DLC1: variants seen among roughly 807,000 people sequenced by gnomAD.
The protein encoded by DLC1 is rho GTPase-activating protein 7.
A neutral mutation model predicts 140.3 loss-of-function variants in DLC1; 54 were observed. The ratio of observed to expected loss-of-function variants is 0.38; its 90% CI spans 0.31 to 0.48. DLC1 has a LOEUF of 0.48. Ranked by LOEUF, DLC1 falls within the 20% of genes least tolerant of loss-of-function variation. DLC1 has a pLI of 0.96. For synonymous variants in DLC1, 986 were observed against 728.1 expected (o/e 1.35, Z -5.70); for missense variants, 2,536 against 1,907.0 (o/e 1.33, Z -6.14).
At chr8:13,154,521 G>A (rs749354440) in intron 5 of DLC1, among the ~76,000 whole-genome samples, 6 of 152,312 alleles carry the variant, frequency 3.9e-5, no homozygotes, top group African/African-American at 7.2e-5. Flanking sequence ...GAGCCCATCC[G>A]GAACTCGTGC....
rs768344585 is a variant in DLC1, at chr8:13,356,825, A to C, written c.1314+36728T>G. Among the ~76,000 whole-genome samples the C allele has an allele frequency of 1.3e-5, 2 of 151,412 alleles. 1 individual carries two copies. Among genetic ancestry groups the C allele is most frequent in the Admixed American group, 1.3e-4 (2 of 15,224 alleles). ...AATGCTGTTTCTATTCCTGGACCAC[A>C]CTTCACTCTTTTTTTTATTATTTTT... On this transcript the variant is annotated intron_variant, in intron 4 of 17. Transcript: ENST00000276297.
intron 5 of DLC1, among the ~76,000 whole-genome samples, chr8:13,242,271 G>A (rs911601626): frequency 9.9e-5 from 15 of 152,216 alleles, no homozygotes; most frequent in Non-Finnish European, 1.8e-4. Flanking sequence ...AAGGTTGATA[G>A]GAGGAGTCTA....
At chr8:13,335,679 T>A (rs1833786249) in intron 4 of DLC1, among the ~76,000 whole-genome samples, 3 of 151,226 alleles carry the variant, frequency 2.0e-5, no homozygotes, top group Non-Finnish European at 4.4e-5. Context: ...TAGGATAATG[T>A]ATATTACATA....
At chr8:13,218,982 CTATATAATTATATACGAATATAAT>C (rs1466520239) in intron 5 of DLC1, among the ~76,000 whole-genome samples, 2 of 48,910 alleles carry the variant, frequency 4.1e-5, no homozygotes, top group Non-Finnish European at 7.4e-5. Context: ...ACGTATATAA[CTATATAATTATATACGAATATAAT>C]TATATAATTA....
chr8:13,531,420 T>C (rs1237491057), intron 1 of DLC1, among the ~76,000 whole-genome samples: 1 of 152,116 alleles, frequency 6.6e-6, no homozygotes, highest in African/African-American at 2.4e-5. Flanking sequence ...ACCCCATCTC[T>C]ACTAAAAACA....
rs1478580739 is a variant in DLC1, at chr8:13,310,027, CCT to C, written c.1315-4727_1315-4726del. 2.0e-5 allele frequency among the ~76,000 whole-genome samples: 3 copies of C among 151,594 alleles called. No homozygotes were observed. The South Asian group carries it at 6.3e-4, about 32-fold the overall frequency. ...TTTCCTCACTTGTATGAAATATTTT[CCT>C]CTTAGTTCTTTAGAATCAGGAACAT... On this transcript the variant is annotated intron_variant, in intron 4 of 17. Transcript: ENST00000276297.
intron 2 of DLC1, among the ~76,000 whole-genome samples, chr8:13,471,555 G>A (rs982709436): frequency 2.0e-5 from 3 of 151,654 alleles, no homozygotes; most frequent in Non-Finnish European, 4.4e-5. Flanking sequence ...GGGAAAAATA[G>A]AAAGAGAAGG....
chr8:13,278,357 T>G (rs1831249125), intron 5 of DLC1, among the ~76,000 whole-genome samples: 2 of 152,202 alleles, frequency 1.3e-5, no homozygotes, highest in Admixed American at 1.3e-4. Context: ...TGAAGCGTGT[T>G]GAATCATGTC....
intron 5 of DLC1, among the ~76,000 whole-genome samples, chr8:13,183,590 T>A (rs1397700218): frequency 6.6e-6 from 1 of 152,206 alleles, no homozygotes; most frequent in Non-Finnish European, 1.5e-5. Context: ...GTTTTTTTCA[T>A]TGGTTCTGTT....
intron 1 of DLC1, among the ~76,000 whole-genome samples, chr8:13,585,384 C>T (rs796356851): frequency 1.3e-5 from 2 of 151,838 alleles, no homozygotes; most frequent in African/African-American, 4.8e-5. Flanking sequence ...GGAAACATAG[C>T]AAGACTCTCA....
intron 5 of DLC1, among the ~76,000 whole-genome samples, chr8:13,136,529 A>C (rs1318491464): frequency 6.6e-6 from 1 of 152,148 alleles, no homozygotes; most frequent in African/African-American, 2.4e-5. Flanking sequence ...CTTGTTTTTG[A>C]GATCATCTCG....
chr8:13,300,839 G>A (rs1488700020), intron 5 of DLC1, among the ~76,000 whole-genome samples: 1 of 152,204 alleles, frequency 6.6e-6, no homozygotes, highest in East Asian at 1.9e-4. Flanking sequence ...TATTTTCAAA[G>A]ATAACTCTGG....
chr8:13,210,309 T>C (rs1370224047), intron 5 of DLC1, among the ~76,000 whole-genome samples: 1 of 152,200 alleles, frequency 6.6e-6, no homozygotes, highest in Non-Finnish European at 1.5e-5. Context: ...ATACTGTTTT[T>C]AGAAGACCAG....
intron 5 of DLC1, among the ~76,000 whole-genome samples, chr8:13,162,398 C>G (rs1019578987): frequency 1.3e-5 from 2 of 152,198 alleles, no homozygotes; most frequent in Non-Finnish European, 2.9e-5. Flanking sequence ...TCTCAACTCA[C>G]TGCGTCCTCC....
At chr8:13,295,186 C>T (rs1831899966) in intron 5 of DLC1, among the ~76,000 whole-genome samples, 1 of 152,178 alleles carries the variant, frequency 6.6e-6, no homozygotes, top group South Asian at 2.1e-4. Flanking sequence ...CCCCACTTAT[C>T]TATTTCCTTA....
At chr8:13,599,194 G>T (rs192167665) in intron 1 of DLC1, among the ~76,000 whole-genome samples, 2 of 151,676 alleles carry the variant, frequency 1.3e-5, no homozygotes, top group Admixed American at 1.3e-4. Flanking sequence ...ACAAAGGGAA[G>T]AAAAAAACAT....
chr8:13,275,655 C>T lies in DLC1; in HGVS notation c.1348+29614G>A, dbSNP rs1469585274. ...TACCATTTGGTGGCTGTCACATGAG[C>T]CCTAGAGCACTTGAATTGCACCACT... On this transcript the variant is annotated intron_variant, in intron 5 of 17. Transcript: ENST00000276297. Among the ~76,000 whole-genome samples the T allele has an allele frequency of 4.6e-5, 7 of 152,276 alleles. No individual in the cohort carries two copies. In the East Asian group the frequency reaches 1.4e-3, roughly 29 times the overall value.
chr8:13,562,463 A>C (rs1358651196), intron 1 of DLC1, among the ~76,000 whole-genome samples: 2 of 152,200 alleles, frequency 1.3e-5, no homozygotes, highest in Admixed American at 6.5e-5. Context: ...TATGCACATG[A>C]AATGGTGTTC....
intron 4 of DLC1, among the ~76,000 whole-genome samples, chr8:13,356,236 T>C (rs1304228898): frequency 6.6e-6 from 1 of 152,150 alleles, no homozygotes; most frequent in Non-Finnish European, 1.5e-5. Flanking sequence ...ACTTCTATAT[T>C]TCCTCTTGAA....
Sources: allele counts gnomAD v4.1 joint callset (sites outside exome capture counted in the v4.1 genomes callset), GRCh38; gene constraint gnomAD v4.1.1; transcripts MANE v1.5; gene names NCBI Gene and HGNC (gene_info 2026-07-23, HGNC 2026-07-21).